Variants in TTLL2 observed in about 807,000 individuals in gnomAD.
TTLL2 encodes probable tubulin polyglutamylase TTLL2.
A neutral mutation model predicts 7.5 loss-of-function variants in TTLL2; 10 were observed. The ratio of observed to expected loss-of-function variants is 1.33; its 90% CI spans 0.82 to 2.25. TTLL2 has a LOEUF of 2.25. TTLL2 is among the 30% of genes most tolerant of loss of function. The pLI is 0.00. For synonymous variants in TTLL2, 284 were observed against 280.3 expected (o/e 1.01, Z -0.13); for missense variants, 733 against 735.7 (o/e 1.00, Z 0.04).
At position 167,341,431 on chromosome 6, in the gene TTLL2, T is replaced by C. The variant is rs1056229529; in HGVS notation, c.1531T>C (p.Leu511=). The change falls in exon 3 of 3, where the codon TTA becomes CTA. Residue 511 remains leucine, a synonymous_variant. Coordinates refer to ENST00000239587, the MANE Select transcript of TTLL2 (RefSeq NM_031949.5). ...TREMPQSKPK[L]RSRHTPHKTL... ...GGAGATGCCACAAAGCAAGCCCAAGTTACGGAGCAGGCACACGCCTCACAA... is the reference window on the plus strand; with the variant it reads ...GGAGATGCCACAAAGCAAGCCCAAGCTACGGAGCAGGCACACGCCTCACAA... 3 of 1,613,836 alleles carry C rather than the reference T, an allele frequency of 1.9e-6. No homozygotes were observed. In the African/African-American group the frequency reaches 4.0e-5, roughly 22 times the overall value.
intron 2 of TTLL2, among the ~76,000 whole-genome samples, chr6:167,339,067 TC>T (rs1779034948): frequency 6.9e-6 from 1 of 144,534 alleles, no homozygotes. Flanking sequence ...CCTCCCTCCC[TC>T]CTTCCTTTCT....
At chr6:167,327,841 T>C (rs1778866197) in intron 1 of TTLL2, among the ~76,000 whole-genome samples, 4 of 152,192 alleles carry the variant, frequency 2.6e-5, no homozygotes, top group Admixed American at 2.6e-4. Context: ...TTTCTTTCTA[T>C]CTCTTGCACA....
chr6:167,340,255 G>C lies in TTLL2; in HGVS notation c.355G>C (p.Glu119Gln). Reference protein sequence around the residue: ...NKFDKQEQNAEDWNLYWRTSS... With the variant: ...NKFDKQEQNAQDWNLYWRTSS... ...GTTTGATAAGCAGGAGCAGAACGCG[G>C]AGGACTGGAACCTGTACTGGAGGAC... The change falls in exon 3 of 3, where the codon GAG becomes CAG. Residue 119 changes from glutamate (E) to glutamine (Q), a missense_variant. Physicochemically the swap from Glu to Gln is conservative, Grantham distance 29. Transcript: ENST00000239587. 6.2e-7 allele frequency: 1 copy of C among 1,614,120 alleles called. No individual in the cohort carries two copies. The highest frequency in any genetic ancestry group is 8.5e-7 in the Non-Finnish European group (1 of 1,180,002).
chr6:167,327,387 G>A (rs143419453), intron 1 of TTLL2, among the ~76,000 whole-genome samples: 1 of 152,296 alleles, frequency 6.6e-6, no homozygotes, highest in Non-Finnish European at 1.5e-5. Context: ...TTCCTTGTGA[G>A]GGAGGTCTGT....
chr6:167,339,613 G>A (rs1779042314), intron 2 of TTLL2, among the ~76,000 whole-genome samples: 1 of 152,152 alleles, frequency 6.6e-6, no homozygotes, highest in Non-Finnish European at 1.5e-5. Context: ...AACCATGGTA[G>A]GTGCCTGGCC....
intron 2 of TTLL2, 147 bp downstream of exon 2, chr6:167,338,950 C>A (rs1359026370): frequency 1.6e-5 from 13 of 807,320 alleles, no homozygotes; most frequent in Non-Finnish European, 2.2e-5. Context: ...CTTCCTCCTT[C>A]CTGCTCTCCC....
rs1409339399 is a variant in TTLL2, at chr6:167,341,158, C to T, written c.1258C>T (p.Leu420=). ...TATTGACCTGATTTACTTAAATGGT[C>T]TAAGAAATGAGGGGAGAGAAGCCAG... is the stretch of plus-strand genomic sequence containing the variant. The part of the protein sequence containing the change: ...DIIDLIYLNG[L]RNEGREASNA... The change falls in exon 3 of 3, where the codon CTA becomes TTA. Residue 420 remains leucine (L), a synonymous_variant. Transcript: ENST00000239587. The T allele has an allele frequency of 1.2e-6, 2 of 1,613,758 alleles. No homozygotes were observed. Among genetic ancestry groups the T allele is most frequent in the Non-Finnish European group, 8.5e-7 (1 of 1,179,996 alleles).
In TTLL2 at chr6:167,341,941, C is replaced by A; in HGVS notation, c.*262C>A. The A allele has an allele frequency of 2.2e-6, 1 of 462,530 alleles. No homozygotes were observed. The highest frequency in any genetic ancestry group is 3.8e-6 in the Non-Finnish European group (1 of 263,358). 28.7% of individuals were successfully genotyped at this position (462,530 alleles called of 1,614,324 possible). The stretch of plus-strand genomic sequence containing the variant: ...ATTCTACAAATACCACACAGCCTCC[C>A]ACCAGTAATTGAATGTGCTACACTA... On this transcript the variant is annotated 3_prime_UTR_variant, in exon 3 of 3. Transcript: ENST00000239587.
intron 1 of TTLL2, among the ~76,000 whole-genome samples, chr6:167,328,588 G>A (rs1275473473): frequency 6.6e-6 from 1 of 152,174 alleles, no homozygotes; most frequent in African/African-American, 2.4e-5. Context: ...GTGTTTCCTT[G>A]TTCTAGGTGC....
At chr6:167,335,471 G>A (rs1778972826) in intron 1 of TTLL2, among the ~76,000 whole-genome samples, 1 of 145,378 alleles carries the variant, frequency 6.9e-6, no homozygotes, top group Non-Finnish European at 1.5e-5. Flanking sequence ...CCATTACTGG[G>A]TATATACCCA....
chr6:167,341,519 G>A lies in TTLL2; in HGVS notation c.1619G>A (p.Cys540Tyr). The A allele has an allele frequency of 6.2e-7, 1 of 1,614,156 alleles. No homozygotes were observed. The highest frequency in any genetic ancestry group is 1.1e-5 in the South Asian group (1 of 91,088). Reference protein sequence around the residue: ...SHSCKTKTSPCVLSDRGKAPD... With the variant: ...SHSCKTKTSPYVLSDRGKAPD... ...TCCTGCAAGACCAAGACCTCCCCGT[G>A]TGTCCTGTCAGACCGTGGCAAAGCT... The change falls in exon 3 of 3, where the codon TGT (cysteine) becomes TAT (tyrosine). Residue 540 changes from cysteine to tyrosine, a missense_variant. Coordinates refer to ENST00000239587, the MANE Select transcript of TTLL2 (RefSeq NM_031949.5).
Position 167,342,338 on chromosome 6 carries a change from T to C in TTLL2, c.*659T>C, listed in dbSNP as rs1275574264. On this transcript the variant is annotated 3_prime_UTR_variant, in exon 3 of 3. Coordinates refer to ENST00000239587, the MANE Select transcript of TTLL2 (RefSeq NM_031949.5). Reference sequence around the variant, plus strand: ...TGGCCTCCCAGATCAAAGTATGCTGTCATTCCTGCCACATAAAAAGCATCT... The same window carrying C: ...TGGCCTCCCAGATCAAAGTATGCTGCCATTCCTGCCACATAAAAAGCATCT... Among the ~76,000 whole-genome samples the C allele has an allele frequency of 6.6e-6, 1 of 152,218 alleles. No individual in the cohort carries two copies. Among genetic ancestry groups the C allele is most frequent in the Non-Finnish European group, 1.5e-5 (1 of 68,040 alleles).
rs1306970915 is a variant in TTLL2 at position 167,340,848 on chromosome 6, T to G, written c.948T>G (p.Ile316Met). The G allele has an allele frequency of 1.2e-6, 2 of 1,614,192 alleles. No individual in the cohort carries two copies. Among genetic ancestry groups the G allele is most frequent in the South Asian group, 2.2e-5 (2 of 91,082 alleles). ...CTTATGAGAAGATCAAAGAAGTGATTGGTCATGGTTGTAAATGGACGCTCA... is the reference window on the plus strand; with the variant it reads ...CTTATGAGAAGATCAAAGAAGTGATGGGTCATGGTTGTAAATGGACGCTCA... Reference protein sequence around the residue: ...GASYEKIKEVIGHGCKWTLSR... With the variant: ...GASYEKIKEVMGHGCKWTLSR... The change falls in exon 3 of 3, where the codon ATT becomes ATG. Residue 316 changes from isoleucine to methionine, a missense_variant. Coordinates refer to ENST00000239587, the MANE Select transcript of TTLL2 (RefSeq NM_031949.5).
At chr6:167,327,286 G>C (rs748386079) in intron 1 of TTLL2, among the ~76,000 whole-genome samples, 7 of 152,140 alleles carry the variant, frequency 4.6e-5, no homozygotes, top group African/African-American at 1.7e-4. Context: ...CCTTTGTCCC[G>C]TGCCTGTGAA....
rs1464839544 is a variant in TTLL2 at position 167,340,713 on chromosome 6, T to C, written c.813T>C (p.Tyr271=). 2.5e-6 allele frequency: 4 copies of C among 1,614,240 alleles called. No individual in the cohort carries two copies. The highest frequency in any genetic ancestry group is 1.7e-5 in the Admixed American group (1 of 60,030). The stretch of plus-strand genomic sequence containing the variant: ...CTGGCTTTAAGCCTTTGACCATTTA[T>C]GTTTATCAGGAAGGGTTGGTTCGGT... ...CVTGFKPLTI[Y]VYQEGLVRFA... Residue 271 remains tyrosine (Y), a synonymous_variant, in exon 3 of 3, where the codon TAT becomes TAC. Coordinates refer to ENST00000239587, the MANE Select transcript of TTLL2 (RefSeq NM_031949.5).
intron 1 of TTLL2, among the ~76,000 whole-genome samples, chr6:167,325,780 AG>A (rs1462283290): frequency 2.0e-5 from 3 of 152,010 alleles, no homozygotes; most frequent in Non-Finnish European, 4.4e-5. Flanking sequence ...GTAGAAAGGA[AG>A]GGCTTCAAGG....
rs560763558 is a variant in TTLL2 at position 167,330,062 on chromosome 6, G to A, written c.47+4842G>A. On this transcript the variant is annotated intron_variant, in intron 1 of 2. Coordinates refer to ENST00000239587, the MANE Select transcript of TTLL2 (RefSeq NM_031949.5). ...TAAAATGTCAGGTTTTGTGATGTTT[G>A]TTTTCACTGAGAGTAGATATTCTAC... 2.6e-5 allele frequency among the ~76,000 whole-genome samples: 4 copies of A among 152,274 alleles called. No individual in the cohort carries two copies. In the South Asian group the frequency reaches 6.2e-4, roughly 24 times the overall value.
Position 167,341,516 on chromosome 6 carries a change from C to A in TTLL2, c.1616C>A (p.Pro539Gln), listed in dbSNP as rs746939170. Residue 539 changes from proline (P) to glutamine (Q), a missense_variant, in exon 3 of 3, where the codon CCG (proline) becomes CAG (glutamine). Pro to Gln is a moderately conservative substitution (Grantham distance 76). Coordinates refer to ENST00000239587, the MANE Select transcript of TTLL2 (RefSeq NM_031949.5). ...QSHSCKTKTS[P>Q]CVLSDRGKAP... is the part of the protein sequence containing the mutation. ...CACTCCTGCAAGACCAAGACCTCCC[C>A]GTGTGTCCTGTCAGACCGTGGCAAA... 1.2e-5 allele frequency: 20 copies of A among 1,614,068 alleles called. No homozygotes were observed. In the East Asian group the frequency reaches 3.6e-4, roughly 29 times the overall value.
In TTLL2 at chr6:167,340,776, C is replaced by T. The variant is rs372135026; in HGVS notation, c.876C>T (p.Asn292=). ...TEKFDLSNLQ[N]NYAHLTNSSI... ...AGTTTGACCTCAGTAATTTGCAAAA[C>T]AATTATGCCCATTTGACCAACAGCA... Residue 292 remains asparagine (N), a synonymous_variant, in exon 3 of 3, where the codon AAC becomes AAT. Coordinates refer to ENST00000239587, the MANE Select transcript of TTLL2 (RefSeq NM_031949.5). 7 of 1,614,020 alleles carry T rather than the reference C, an allele frequency of 4.3e-6. No individual in the cohort carries two copies. Among genetic ancestry groups the T allele is most frequent in the Non-Finnish European group, 5.9e-6 (7 of 1,180,038 alleles).
Sources: allele counts gnomAD v4.1 joint callset (sites outside exome capture counted in the v4.1 genomes callset), GRCh38; gene constraint gnomAD v4.1.1; transcripts MANE v1.5; gene names NCBI Gene and HGNC (gene_info 2026-07-23, HGNC 2026-07-21).